PPFIA2: variants seen among roughly 807,000 people sequenced by gnomAD.
The protein encoded by PPFIA2 is liprin-alpha-2.
In PPFIA2, 46 loss-of-function variants were observed where a neutral mutation model predicts 175.5. The observed-to-expected ratio is 0.26, with a 90% CI of 0.21 to 0.34. The LOEUF is 0.34. PPFIA2 is among the 10% of genes least tolerant of loss of function. The probability of loss-of-function intolerance (pLI) is 1.00; values close to 1 mark genes in which losing one functional copy is unlikely to be tolerated. For missense variants in PPFIA2, 1,179 were observed against 1,506.1 expected (o/e 0.78, Z 3.60); for synonymous variants, 568 against 511.4 (o/e 1.11, Z -1.49).
At chr12:81,577,309 A>G (rs1418771491) in intron 4 of PPFIA2, among the ~76,000 whole-genome samples, 1 of 151,888 alleles carries the variant, frequency 6.6e-6, no homozygotes, top group Non-Finnish European at 1.5e-5. Context: ...GTTTTCCTCC[A>G]CATTTTCTCT....
chr12:81,284,129 A>C, intron 25 of PPFIA2, 112 bp downstream of exon 25: 1 of 803,576 alleles, frequency 1.2e-6, no homozygotes, highest in Non-Finnish European at 2.1e-6. Flanking sequence ...CATTGCATGT[A>C]ACTATAAAAA....
chr12:81,319,744 G>GA (rs2053245092), intron 22 of PPFIA2, among the ~76,000 whole-genome samples: 1 of 151,854 alleles, frequency 6.6e-6, no homozygotes, highest in South Asian at 2.1e-4. Context: ...ACAAGACTGG[G>GA]AAAATCTCTC....
chr12:81,418,506 TCA>T (rs2045708309), intron 7 of PPFIA2, among the ~76,000 whole-genome samples: 1 of 152,016 alleles, frequency 6.6e-6, no homozygotes, highest in African/African-American at 2.4e-5. Flanking sequence ...AAATTCACTT[TCA>T]GTGTCCATGA....
chr12:81,617,886 T>C (rs903360601), intron 4 of PPFIA2, among the ~76,000 whole-genome samples: 1 of 152,110 alleles, frequency 6.6e-6, no homozygotes, highest in Non-Finnish European at 1.5e-5. Flanking sequence ...CAGAAAAACA[T>C]GTAAAAAGTA....
chr12:81,571,979 C>T (rs779423033), intron 4 of PPFIA2, among the ~76,000 whole-genome samples: 24 of 152,000 alleles, frequency 1.6e-4, no homozygotes, highest in Non-Finnish European at 2.4e-4. Context: ...AAACCCAATG[C>T]TGGATCATGT....
At chr12:81,679,972 GTTGTTGAATAT>G (rs2073300366) in intron 3 of PPFIA2, among the ~76,000 whole-genome samples, 1 of 151,892 alleles carries the variant, frequency 6.6e-6, no homozygotes, top group South Asian at 2.1e-4. Context: ...ATTTTTGATG[GTTGTTGAATAT>G]TTTATCTGCA....
At chr12:81,469,125 C>T (rs894831494) in intron 4 of PPFIA2, among the ~76,000 whole-genome samples, 4 of 152,256 alleles carry the variant, frequency 2.6e-5, no homozygotes, top group East Asian at 1.9e-4. Context: ...TCCATAGATA[C>T]TGAGGGATAT....
chr12:81,617,433 T>C (rs1226544280), intron 4 of PPFIA2, among the ~76,000 whole-genome samples: 1 of 152,200 alleles, frequency 6.6e-6, no homozygotes, highest in Admixed American at 6.5e-5. Flanking sequence ...TATTCACATG[T>C]TATTGTGCCT....
At chr12:81,321,007 T>TA (rs950186259) in intron 22 of PPFIA2, among the ~76,000 whole-genome samples, 15 of 151,604 alleles carry the variant, frequency 9.9e-5, no homozygotes, top group African/African-American at 2.9e-4. Flanking sequence ...GACACCTACT[T>TA]ACGGCATTTC....
At chr12:81,341,260 A>C in intron 19 of PPFIA2, 52 bp from the exon 20 acceptor site, 1 of 1,548,860 alleles carries the variant, frequency 6.5e-7, no homozygotes. Flanking sequence ...TTTCAGTTGA[A>C]ATTGACACAA....
At chr12:81,519,894 G>T (rs2062907535) in intron 4 of PPFIA2, among the ~76,000 whole-genome samples, 1 of 152,148 alleles carries the variant, frequency 6.6e-6, no homozygotes, top group African/African-American at 2.4e-5. Flanking sequence ...CTGTATATAT[G>T]TACATGTAAT....
intron 8 of PPFIA2, among the ~76,000 whole-genome samples, chr12:81,386,280 TAAATA>T (rs2038918539): frequency 5.1e-5 from 1 of 19,520 alleles, no homozygotes; most frequent in Non-Finnish European, 1.0e-4. Flanking sequence ...AACCTTTAAA[TAAATA>T]AATAAATAAA....
intron 22 of PPFIA2, among the ~76,000 whole-genome samples, chr12:81,319,786 T>A (rs778009135): frequency 6.6e-6 from 1 of 151,936 alleles, no homozygotes; most frequent in Non-Finnish European, 1.5e-5. Flanking sequence ...TTTGGGAATA[T>A]CTTGGCTCTA....
intron 4 of PPFIA2, among the ~76,000 whole-genome samples, chr12:81,674,140 A>T (rs2071980673): frequency 6.6e-6 from 1 of 152,026 alleles, no homozygotes; most frequent in Non-Finnish European, 1.5e-5. Context: ...CCCACAGCAA[A>T]ATTTGCAATT....
intron 22 of PPFIA2, among the ~76,000 whole-genome samples, chr12:81,314,892 T>C (rs1254256240): frequency 1.3e-5 from 2 of 151,454 alleles, no homozygotes; most frequent in African/African-American, 4.8e-5. Flanking sequence ...TAGGTGAAAG[T>C]TGAGAATGTT....
Position 81,325,847 on chromosome 12 carries a change from C to A in PPFIA2, c.2572G>T (p.Ala858Ser). ...QLRGFMETEA[A>S]AQESLGLGKL... The stretch of plus-strand genomic sequence containing the variant: ...CCTAACCCCAGGGACTCCTGAGCTG[C>A]AGCTTCAGTCTCCATAAAGCCTCCT... The change falls in exon 22 of 33, where the codon GCA (alanine) becomes TCA (serine). Residue 858 changes from alanine to serine, a missense_variant. Around this residue, in one of 10 missense-constraint regions of PPFIA2, gnomAD observed 223 missense variants for 241.6 expected, o/e 0.92. Coordinates refer to ENST00000549396, the MANE Select transcript of PPFIA2 (RefSeq NM_003625.5). 6.2e-7 allele frequency: 1 copy of A among 1,612,342 alleles called. No homozygotes were observed. Among genetic ancestry groups the A allele is most frequent in the Non-Finnish European group, 8.5e-7 (1 of 1,178,688 alleles).
Position 81,594,509 on chromosome 12 carries a change from G to A in PPFIA2, c.303+82282C>T, listed in dbSNP as rs187663835. Among the ~76,000 whole-genome samples, 640 of 152,160 alleles carry A rather than the reference G, an allele frequency of 4.2e-3. 3 individuals are homozygous for A. The highest frequency in any genetic ancestry group is 0.014 in the African/African-American group (601 of 41,512). The stretch of plus-strand genomic sequence containing the variant: ...TTTGAAGAAATGGGTTGCGAACTTC[G>A]TTTTGTTTTGTATGTGATAGTAACA... On this transcript the variant is annotated intron_variant, in intron 4 of 32. Transcript: ENST00000549396.
intron 3 of PPFIA2, among the ~76,000 whole-genome samples, chr12:81,744,086 T>C (rs1029915507): frequency 2.0e-5 from 3 of 152,200 alleles, no homozygotes; most frequent in African/African-American, 4.8e-5. Context: ...TTTGTATGTA[T>C]GTAAATAGAA....
chr12:81,644,124 A>G (rs770066417), intron 4 of PPFIA2, among the ~76,000 whole-genome samples: 1 of 152,038 alleles, frequency 6.6e-6, no homozygotes, highest in Non-Finnish European at 1.5e-5. Flanking sequence ...AAGATTCTAT[A>G]AAAATAATCA....
Sources: allele counts gnomAD v4.1 joint callset (sites outside exome capture counted in the v4.1 genomes callset), GRCh38; gene constraint gnomAD v4.1.1; regional missense constraint gnomAD v4.1.1; transcripts MANE v1.5; gene names NCBI Gene and HGNC (gene_info 2026-07-23, HGNC 2026-07-21).